Variants in GPC5 observed in about 807,000 individuals in gnomAD.
GPC5 encodes the protein glypican 5, also known as glypican-5.
A neutral mutation model predicts 53.9 loss-of-function variants in GPC5; 47 were observed. The ratio of observed to expected loss-of-function variants is 0.87; its 90% confidence interval spans 0.69 to 1.11. The LOEUF is 1.11. GPC5 is among the 50% of genes most tolerant of loss of function. GPC5 has a pLI of 0.00. For missense variants in GPC5, 748 were observed against 713.1 expected, an observed-to-expected ratio of 1.05 and a Z score of -0.56; for synonymous variants, 286 against 263.3, an observed-to-expected ratio of 1.09 and a Z score of -0.84.
chr13:91,724,141 C>T (rs1305893676), intron 3 of GPC5, among the ~76,000 whole-genome samples: 4 of 152,088 alleles, frequency 2.6e-5, no homozygotes, highest in Non-Finnish European at 5.9e-5. Flanking sequence ...TAGCATAGTT[C>T]CTCTGGACAG....
rs201549598 is a variant in GPC5 at position 91,904,143 on chromosome 13, T to TC, written c.1281-3794_1281-3793insC. On this transcript the variant is annotated intron_variant, in intron 5 of 7. Transcript: ENST00000377067. ...TTAGTTTTACTTTCTTTTCTTTCTTTTTTTTTTTTTTTTTTTTTAAGGCAG... is the reference window on the plus strand; with the variant it reads ...TTAGTTTTACTTTCTTTTCTTTCTTTCTTTTTTTTTTTTTTTTTTAAGGCAG... Among the ~76,000 whole-genome samples the TC allele has an allele frequency of 5.6e-3, 794 of 142,672 alleles. 2 individuals are homozygous for TC. Among genetic ancestry groups the TC allele is most frequent in the Non-Finnish European group, 8.6e-3 (558 of 64,928 alleles). The allele number at this position is 142,672 out of a possible 152,430, so 93.6% of individuals were successfully genotyped here.
chr13:92,786,331 GAT>G (rs1876231198), intron 7 of GPC5, among the ~76,000 whole-genome samples: 1 of 152,148 alleles, frequency 6.6e-6, no homozygotes. Context: ...CAAGTTGAAA[GAT>G]GTGTATGATT....
chr13:92,114,232 G>A (rs1374030715), intron 6 of GPC5, among the ~76,000 whole-genome samples: 2 of 152,122 alleles, frequency 1.3e-5, no homozygotes, highest in African/African-American at 4.8e-5. Context: ...GGAATTCATG[G>A]CAGGGCCTCA....
At chr13:91,589,007 T>A (rs193067403) in intron 2 of GPC5, among the ~76,000 whole-genome samples, 36 of 152,206 alleles carry the variant, frequency 2.4e-4, no homozygotes, top group African/African-American at 8.4e-4. Context: ...GGTGGAAAAT[T>A]TTCTCCCATT....
intron 7 of GPC5, among the ~76,000 whole-genome samples, chr13:92,359,763 A>G (rs9584025): frequency 2.6e-5 from 4 of 151,126 alleles, no homozygotes; most frequent in Non-Finnish European, 5.9e-5. Context: ...ACAATCAGAT[A>G]TTGTGAGAAC....
chr13:91,819,450 C>A (rs2038456380), intron 5 of GPC5, among the ~76,000 whole-genome samples: 1 of 152,096 alleles, frequency 6.6e-6, no homozygotes, highest in African/African-American at 2.4e-5. Context: ...TGAGCCACCA[C>A]ACCCGGCCAT....
At chr13:91,623,185 A>G (rs1023362811) in intron 2 of GPC5, among the ~76,000 whole-genome samples, 3 of 152,170 alleles carry the variant, frequency 2.0e-5, no homozygotes, top group Non-Finnish European at 4.4e-5. Flanking sequence ...GTAATGGTTA[A>G]TGAAAATTAT....
intron 7 of GPC5, among the ~76,000 whole-genome samples, chr13:92,219,204 C>G (rs538366227): frequency 6.6e-6 from 1 of 152,196 alleles, no homozygotes; most frequent in East Asian, 1.9e-4. Flanking sequence ...GTGTCACTTA[C>G]TAGATCAGAG....
At chr13:91,983,207 G>A (rs979281643) in intron 6 of GPC5, among the ~76,000 whole-genome samples, 8 of 152,082 alleles carry the variant, frequency 5.3e-5, no homozygotes, top group East Asian at 1.9e-4. Flanking sequence ...TTAGCCGGGC[G>A]TACTGGCGGG....
At position 92,286,643 on chromosome 13, in the gene GPC5, C is replaced by A. The variant is rs192203732; in HGVS notation, c.1561+141654C>A. On this transcript the variant is annotated intron_variant, in intron 7 of 7. Coordinates refer to ENST00000377067, the MANE Select transcript of GPC5 (RefSeq NM_004466.6). ...AGCAAACTATCTCAAGGACAAAAAACCAAATACCGCATGTTCTCACTTATA... is the reference window on the plus strand; with the variant it reads ...AGCAAACTATCTCAAGGACAAAAAAACAAATACCGCATGTTCTCACTTATA... 5.9e-3 allele frequency among the ~76,000 whole-genome samples: 887 copies of A among 150,978 alleles called. 9 individuals carry two copies. Among genetic ancestry groups the A allele is most frequent in the African/African-American group, 0.02 (832 of 41,096 alleles).
chr13:92,244,608 G>A (rs2042636867), intron 7 of GPC5, among the ~76,000 whole-genome samples: 1 of 152,092 alleles, frequency 6.6e-6, no homozygotes, highest in Admixed American at 6.6e-5. Context: ...AGAGAACTCT[G>A]AAACATAGGT....
chr13:91,508,030 A>T (rs1885035163), intron 2 of GPC5, among the ~76,000 whole-genome samples: 1 of 152,160 alleles, frequency 6.6e-6, no homozygotes, highest in African/African-American at 2.4e-5. Flanking sequence ...TTTGAATGAG[A>T]GATGTAGCAA....
chr13:91,448,704 T>C (rs1880968736), intron 1 of GPC5, 57 bp from the exon 2 acceptor site: 1 of 1,552,912 alleles, frequency 6.4e-7, no homozygotes, highest in Admixed American at 1.8e-5. Context: ...TGATATATAA[T>C]ATGTAATACT....
intron 6 of GPC5, among the ~76,000 whole-genome samples, chr13:92,027,845 C>G (rs1566401230): frequency 6.6e-6 from 1 of 152,170 alleles, no homozygotes. Flanking sequence ...ACAACAGTCA[C>G]TTGCTCAGTG....
chr13:92,206,153 T>G (rs1057143217), intron 7 of GPC5, among the ~76,000 whole-genome samples: 1,182 of 61,362 alleles, frequency 0.019, 12 homozygotes, highest in Middle Eastern at 0.096. Context: ...TGTGTTTTTT[T>G]TATTTTTTTT....
intron 7 of GPC5, among the ~76,000 whole-genome samples, chr13:92,272,955 C>T (rs1300251351): frequency 1.3e-5 from 2 of 151,888 alleles, no homozygotes; most frequent in Admixed American, 1.3e-4. Flanking sequence ...TGAAAATGAG[C>T]GATGAGAGAG....
chr13:91,968,304 C>T (rs1055251795), intron 6 of GPC5, among the ~76,000 whole-genome samples: 2 of 151,720 alleles, frequency 1.3e-5, no homozygotes, highest in Non-Finnish European at 2.9e-5. Context: ...AATTGTGGTA[C>T]ATAGTATCAG....
intron 7 of GPC5, among the ~76,000 whole-genome samples, chr13:92,515,962 C>T (rs146800817): frequency 1.8e-4 from 27 of 152,162 alleles, no homozygotes; most frequent in South Asian, 1.5e-3. Context: ...AGCACTTAAG[C>T]GTAAAAGTAG....
chr13:91,998,773 G>A (rs1308881191), intron 6 of GPC5, among the ~76,000 whole-genome samples: 1 of 152,202 alleles, frequency 6.6e-6, no homozygotes, highest in East Asian at 1.9e-4. Flanking sequence ...CCAGGAGGTG[G>A]CGAGTCAGTC....
Sources: gnomAD v4.1 joint callset for allele counts (sites outside exome capture counted in the v4.1 genomes callset) on GRCh38, gnomAD v4.1.1 for gene constraint, MANE v1.5 for transcripts, NCBI Gene and HGNC (gene_info 2026-07-23, HGNC 2026-07-21) for gene names.